Variants in NPEPPS observed in about 807,000 individuals in gnomAD.
The protein encoded by NPEPPS is aminopeptidase puromycin sensitive.
Under a neutral mutation model 115.5 loss-of-function variants are expected in NPEPPS, and 14 were observed. The ratio of observed to expected loss-of-function variants is 0.12; its 90% CI spans 0.08 to 0.19. NPEPPS has a LOEUF of 0.19. NPEPPS is among the 10% of genes least tolerant of loss of function. The probability of loss-of-function intolerance (pLI) is 1.00; values close to 1 mark genes in which losing one functional copy is unlikely to be tolerated. For missense variants in NPEPPS, 523 were observed against 1,110.8 expected, an observed-to-expected ratio of 0.47 and a Z score of 7.52; for synonymous variants, 285 against 390.6, an observed-to-expected ratio of 0.73 and a Z score of 3.19.
intron 2 of NPEPPS, among the ~76,000 whole-genome samples, chr17:47,552,933 T>G (rs1342264829): frequency 6.6e-6 from 1 of 152,150 alleles, no homozygotes; most frequent in African/African-American, 2.4e-5. Context: ...CTGATAAATG[T>G]TAGAGCCAGG....
chr17:47,528,627 T>C (rs1163899399), upstream of NPEPPS, among the ~76,000 whole-genome samples: 1 of 151,952 alleles, frequency 6.6e-6, no homozygotes, highest in African/African-American at 2.4e-5. Flanking sequence ...AAGTAAAATA[T>C]CTCATTAATT....
At chr17:47,592,588 G>A in intron 12 of NPEPPS, 43 bp downstream of exon 12, 7 of 1,503,532 alleles carry the variant, frequency 4.7e-6, no homozygotes, top group Non-Finnish European at 6.4e-6. Flanking sequence ...AGAAAGTATT[G>A]TCACTCTATC....
At chr17:47,531,759 G>T (rs1188930734) in intron 1 of NPEPPS, among the ~76,000 whole-genome samples, 1 of 151,988 alleles carries the variant, frequency 6.6e-6, no homozygotes, top group African/African-American at 2.4e-5. Flanking sequence ...AGGGACCGTG[G>T]CCGGAGCTGA....
chr17:47,539,616 T>G (rs1736451823), intron 1 of NPEPPS, among the ~76,000 whole-genome samples: 2 of 152,148 alleles, frequency 1.3e-5, no homozygotes, highest in Admixed American at 6.6e-5. Flanking sequence ...TTTCTTCAGG[T>G]AGGTGCGTAT....
intron 13 of NPEPPS, among the ~76,000 whole-genome samples, chr17:47,597,514 T>C (rs1912951936): frequency 6.6e-6 from 1 of 152,198 alleles, no homozygotes; most frequent in South Asian, 2.1e-4. Flanking sequence ...CAAAGCTAAG[T>C]ATTTTTTTAT....
chr17:47,528,842 G>T (rs1907541326), upstream of NPEPPS, among the ~76,000 whole-genome samples: 1 of 151,820 alleles, frequency 6.6e-6, no homozygotes, highest in Non-Finnish European at 1.5e-5. Flanking sequence ...CACCATGTTG[G>T]TCAGGCTGGT....
chr17:47,539,362 A>G (rs1908586850), intron 1 of NPEPPS, among the ~76,000 whole-genome samples: 1 of 152,136 alleles, frequency 6.6e-6, no homozygotes, highest in African/African-American at 2.4e-5. Context: ...TTCGTTTTGA[A>G]CACCATACAA....
chr17:47,619,650 A>G, intron 21 of NPEPPS, 87 bp from the exon 22 acceptor site: 1 of 1,082,784 alleles, frequency 9.2e-7, no homozygotes, highest in Non-Finnish European at 1.4e-6. Context: ...AAGTTGGCAG[A>G]GAACAGAATG....
At chr17:47,591,073 T>TA (rs947424276) in intron 10 of NPEPPS, among the ~76,000 whole-genome samples, 192 bp downstream of exon 10, 7 of 151,436 alleles carry the variant, frequency 4.6e-5, no homozygotes, top group South Asian at 2.1e-4. Flanking sequence ...AGGTAGGCAG[T>TA]AAAAAAAAAT....
intron 9 of NPEPPS, among the ~76,000 whole-genome samples, chr17:47,587,780 G>GT (rs1430463824): frequency 6.6e-6 from 1 of 152,030 alleles, no homozygotes; most frequent in African/African-American, 2.4e-5. Context: ...TTAGGAGTCA[G>GT]TTTTTTCATT....
At chr17:47,570,040 G>A (rs1449616129) in intron 3 of NPEPPS, among the ~76,000 whole-genome samples, 1 of 152,138 alleles carries the variant, frequency 6.6e-6, no homozygotes, top group Non-Finnish European at 1.5e-5. Flanking sequence ...CTCTTTAAAC[G>A]AACAAGCCAA....
intron 17 of NPEPPS, among the ~76,000 whole-genome samples, chr17:47,608,716 A>G (rs772261514): frequency 6.6e-6 from 1 of 152,190 alleles, no homozygotes; most frequent in Non-Finnish European, 1.5e-5. Context: ...AGAAACAGCA[A>G]AAGAGATGGA....
chr17:47,529,208 A>G (rs1907556236), upstream of NPEPPS, among the ~76,000 whole-genome samples: 1 of 152,112 alleles, frequency 6.6e-6, no homozygotes. Flanking sequence ...CTTGCCTTTG[A>G]CACTTTAAAT....
intron 11 of NPEPPS, 54 bp from the exon 12 acceptor site, chr17:47,592,431 A>G: frequency 6.6e-7 from 1 of 1,521,960 alleles, no homozygotes; most frequent in Non-Finnish European, 8.9e-7. Context: ...ATACAAATAT[A>G]CTATAAATTC....
rs190107702 is a variant in NPEPPS at position 47,534,696 on chromosome 17, G to A, written c.255+3141G>A. On this transcript the variant is annotated intron_variant, in intron 1 of 22. Transcript: ENST00000322157. Reference sequence around the variant, plus strand: ...GAGTCTCCTTGCCTCAGCCTCCTGGGTAGCTGGGACTACAGGTGTGTGCCA... The same window carrying A: ...GAGTCTCCTTGCCTCAGCCTCCTGGATAGCTGGGACTACAGGTGTGTGCCA... 3.9e-4 allele frequency among the ~76,000 whole-genome samples: 60 copies of A among 151,996 alleles called. 1 individual carries two copies. In the East Asian group the frequency reaches 0.01, roughly 27 times the overall value.
At chr17:47,577,022 C>T in intron 3 of NPEPPS, 2 of 343,478 alleles carry the variant, frequency 5.8e-6, no homozygotes, top group South Asian at 4.5e-5. Context: ...AATACTTTAA[C>T]TTGTGTTTTG....
chr17:47,613,278 T>C (rs1008735763), intron 18 of NPEPPS, among the ~76,000 whole-genome samples: 2 of 144,116 alleles, frequency 1.4e-5, no homozygotes, highest in Admixed American at 7.0e-5. Context: ...TTTTTTTTTT[T>C]TTTCTGAGAC....
At chr17:47,604,152 G>C (rs1459888583) in intron 16 of NPEPPS, 103 bp downstream of exon 16, 3 of 1,129,148 alleles carry the variant, frequency 2.7e-6, no homozygotes, top group Non-Finnish European at 3.7e-6. Flanking sequence ...GGGTCTTCAT[G>C]ATGGTTAAAA....
intron 5 of NPEPPS, among the ~76,000 whole-genome samples, chr17:47,584,186 A>G (rs112170321): frequency 6.8e-6 from 1 of 146,780 alleles, no homozygotes; most frequent in Non-Finnish European, 1.5e-5. Context: ...GCGCCACTCC[A>G]CTCCAGCCTG....
Sources: allele counts gnomAD v4.1 joint callset (sites outside exome capture counted in the v4.1 genomes callset), GRCh38; gene constraint gnomAD v4.1.1; transcripts MANE v1.5; gene names NCBI Gene and HGNC (gene_info 2026-07-23, HGNC 2026-07-21).